The following CD163L1 variants were observed in gnomAD, a reference collection of about 807,000 sequenced individuals.
CD163L1 encodes the protein scavenger receptor cysteine-rich type 1 protein M160.
CD163L1 carries 124 observed loss-of-function variants against 165.4 expected under a neutral mutation model. The ratio of observed to expected loss-of-function variants is 0.75; its 90% CI spans 0.65 to 0.87. The LOEUF (loss-of-function observed/expected upper bound fraction) is 0.87. Ranked by LOEUF, CD163L1 falls within the 40% of genes least tolerant of loss-of-function variation. The pLI is 0.00. For synonymous variants in CD163L1, 585 were observed against 662.2 expected (o/e 0.88, Z 1.79); for missense variants, 1,525 against 1,799.9 (o/e 0.85, Z 2.76).
chr12:7,334,923 C>G, the CD163L1 span, among the ~76,000 whole-genome samples: 1 of 152,144 alleles, frequency 6.6e-6, no homozygotes, highest in East Asian at 1.9e-4. Flanking sequence ...ACCTAGGAAT[C>G]CAATTTACAA....
At chr12:7,421,043 A>G (rs1295287500) in intron 4 of CD163L1, among the ~76,000 whole-genome samples, 7 of 105,318 alleles carry the variant, frequency 6.6e-5, no homozygotes, top group African/African-American at 3.6e-4. Flanking sequence ...ATACGTGTAT[A>G]TATATGTATA....
In CD163L1 at chr12:7,374,407, T is replaced by C. The variant is rs943910629; in HGVS notation, c.3409+35A>G. ...GTGTGTGTGCAAGTGTGTGCACGTG[T>C]GTGTAGAGGAGGGTGAAAAGGTAGC... On this transcript the variant is annotated intron_variant, in intron 13 of 19. Transcript: ENST00000313599. The surrounding 1 kb of genome is among the most constrained non-coding windows in gnomAD (Gnocchi z 5.4). 8.3e-6 allele frequency: 13 copies of C among 1,570,898 alleles called. No homozygotes were observed. Among genetic ancestry groups the C allele is most frequent in the Non-Finnish European group, 1.1e-5 (13 of 1,155,952 alleles).
In CD163L1 at chr12:7,369,744, T is replaced by TCA. The variant is rs1947107602; in HGVS notation, c.3731-80_3731-79insTG. 6 of 1,289,026 alleles carry TCA rather than the reference T, an allele frequency of 4.7e-6. No individual in the cohort carries two copies. The highest frequency in any genetic ancestry group is 1.5e-5 in the African/African-American group (1 of 68,182). 79.8% of individuals were successfully genotyped at this position (1,289,026 alleles called of 1,614,324 possible). On this transcript the variant is annotated intron_variant, in intron 14 of 19. Transcript: ENST00000313599. The surrounding 1 kb of genome is among the most constrained non-coding windows in gnomAD (Gnocchi z 4.9). Reference sequence around the variant, plus strand: ...ATGCTGAGGTAGAAAAACTTGAAAGTAGCAAATGTGCTTGATGAATATGGG... The same window carrying TCA: ...ATGCTGAGGTAGAAAAACTTGAAAGTCAAGCAAATGTGCTTGATGAATATGGG...
At chr12:7,335,121 C>T in the CD163L1 span, among the ~76,000 whole-genome samples, 1 of 152,136 alleles carries the variant, frequency 6.6e-6, no homozygotes, top group Non-Finnish European at 1.5e-5. Context: ...TGACTTTCTT[C>T]ACGGAATTGG....
At chr12:7,328,986 A>G in the CD163L1 span, among the ~76,000 whole-genome samples, 90 of 148,510 alleles carry the variant, frequency 6.1e-4, no homozygotes, top group African/African-American at 2.1e-3. Flanking sequence ...ACATATGTGT[A>G]TATACACATA....
intron 4 of CD163L1, among the ~76,000 whole-genome samples, chr12:7,423,709 A>C (rs1473711162): frequency 6.6e-6 from 1 of 152,196 alleles, no homozygotes; most frequent in Non-Finnish European, 1.5e-5. Context: ...ACCTCTACAC[A>C]AATAAGCTAG....
intron 4 of CD163L1, among the ~76,000 whole-genome samples, chr12:7,424,685 C>T (rs1317603556): frequency 1.3e-5 from 2 of 152,116 alleles, no homozygotes; most frequent in Non-Finnish European, 2.9e-5. Flanking sequence ...TTCCTATACA[C>T]CAATAATAGA....
chr12:7,398,433 T>C lies in CD163L1; in HGVS notation c.1560A>G (p.Gly520=). The change falls in exon 7 of 20, where the codon GGA becomes GGG. Residue 520 remains glycine (G), a synonymous_variant. Transcript: ENST00000313599. This position sits in a 1 kb window ranked among gnomAD's most constrained non-coding sequence, Gnocchi z 4.5. ...AAVVCKQLGC[G]KPLHVFGMTY... Reference sequence around the variant, plus strand: ...TCATACCAAACACATGCAAAGGCTTTCCACATCCCAATTGTTTACAAACAA... The same window carrying C: ...TCATACCAAACACATGCAAAGGCTTCCCACATCCCAATTGTTTACAAACAA... 6.2e-7 allele frequency: 1 copy of C among 1,614,128 alleles called. No homozygotes were observed. Among genetic ancestry groups the C allele is most frequent in the African/African-American group, 1.3e-5 (1 of 75,042 alleles).
At chr12:7,394,482 T>C (rs1170766308) in intron 8 of CD163L1, among the ~76,000 whole-genome samples, 1 of 152,096 alleles carries the variant, frequency 6.6e-6, no homozygotes, top group African/African-American at 2.4e-5. Flanking sequence ...CCTAAAAGCA[T>C]AAAAACCCTA....
chr12:7,405,963 CG>C (rs1948006852), intron 5 of CD163L1, among the ~76,000 whole-genome samples: 1 of 151,958 alleles, frequency 6.6e-6, no homozygotes. Flanking sequence ...AAATAAACAG[CG>C]AGGGGTAACT....
chr12:7,350,870 T>G (rs1452707415), downstream of CD163L1, among the ~76,000 whole-genome samples: 1 of 152,168 alleles, frequency 6.6e-6, no homozygotes, highest in Admixed American at 6.6e-5. Flanking sequence ...TCTCCTGAGC[T>G]GCAGATTATC....
At chr12:7,397,491 GGATGGGGCCATAGGGGAAGACCTGAT>G (rs1947803263) in intron 7 of CD163L1, among the ~76,000 whole-genome samples, 2 of 152,294 alleles carry the variant, frequency 1.3e-5, no homozygotes, top group East Asian at 3.9e-4. Context: ...CTGAAAATTA[GGATGGGGCCATAGGGGAAGACCTGAT>G]GAGGTTGGGA....
chr12:7,392,308 C>T (rs910679432), intron 8 of CD163L1, among the ~76,000 whole-genome samples: 2 of 152,078 alleles, frequency 1.3e-5, no homozygotes, highest in African/African-American at 2.4e-5. Context: ...ACTGAACAAC[C>T]TGCTCCTGAA....
At chr12:7,323,368 T>A in the CD163L1 span, 1 of 1,595,922 alleles carries the variant, frequency 6.3e-7, no homozygotes, top group Non-Finnish European at 8.6e-7. Flanking sequence ...ACGTTTTCCT[T>A]TTCTGCTATT....
At position 7,347,666 on chromosome 12, in the gene CD163L1, G is replaced by GTA. The variant is rs1946679320; in HGVS notation, c.*25-520_*25-519insTA. 6.6e-6 allele frequency among the ~76,000 whole-genome samples: 1 copy of GTA among 152,086 alleles called. No homozygotes were observed. Among genetic ancestry groups the GTA allele is most frequent in the Admixed American group, 6.5e-5 (1 of 15,284 alleles). On this transcript the variant is annotated intron_variant, in intron 4 of 4. Coordinates refer to the CD163L1 transcript ENST00000539726. This position sits in a 1 kb window ranked among gnomAD's most constrained non-coding sequence, Gnocchi z 4.2. ...GCCTGTAGTCCCAGCTACTCGGAGA[G>GTA]GCTGAGGCAGGAGAATGGCGTGAAC... is the stretch of plus-strand genomic sequence containing the variant.
At chr12:7,358,611 C>T (rs1210949520) in intron 18 of CD163L1, among the ~76,000 whole-genome samples, 3 of 152,188 alleles carry the variant, frequency 2.0e-5, no homozygotes. Context: ...CTTAATCCCT[C>T]GCCAGATAAA....
At position 7,402,677 on chromosome 12, in the gene CD163L1, C is replaced by T. The variant is rs1947938802; in HGVS notation, c.1408+858G>A. Among the ~76,000 whole-genome samples, 3 of 151,676 alleles carry T rather than the reference C, an allele frequency of 2.0e-5. 1 individual carries two copies. The South Asian group carries it at 6.2e-4, about 32-fold the overall frequency. On this transcript the variant is annotated intron_variant, in intron 6 of 19. Coordinates refer to ENST00000313599, the MANE Select transcript of CD163L1 (RefSeq NM_174941.6). ...ACAAGATGAGGTCTCACTCTGTTGC[C>T]CAGGCTGGAGTGCAGTGACCCAATC...
At position 7,417,840 on chromosome 12, in the gene CD163L1, C is replaced by T. The variant is rs181698891; in HGVS notation, c.767-10988G>A. Among the ~76,000 whole-genome samples, 472 of 151,760 alleles carry T rather than the reference C, an allele frequency of 3.1e-3. 3 individuals carry two copies. Among genetic ancestry groups the T allele is most frequent in the African/African-American group, 0.011 (443 of 41,386 alleles). On this transcript the variant is annotated intron_variant, in intron 4 of 19. Transcript: ENST00000313599. ...GGTATTTTATTGAGGATTTTCACATCGATGTTCATCAGGGATATTGGCCTG... is the reference window on the plus strand; with the variant it reads ...GGTATTTTATTGAGGATTTTCACATTGATGTTCATCAGGGATATTGGCCTG...
At chr12:7,421,093 A>ATG (rs1948360202) in intron 4 of CD163L1, among the ~76,000 whole-genome samples, 1 of 115,274 alleles carries the variant, frequency 8.7e-6, no homozygotes, top group Non-Finnish European at 1.7e-5. Flanking sequence ...ATACGTATAT[A>ATG]TATGTATATA....
Sources: allele counts gnomAD v4.1 joint callset (sites outside exome capture counted in the v4.1 genomes callset), GRCh38; gene constraint gnomAD v4.1.1; non-coding constraint Gnocchi (gnomAD v3.1); transcripts MANE v1.5; gene names NCBI Gene and HGNC (gene_info 2026-07-23, HGNC 2026-07-21).